Variants in ULK4 observed in about 807,000 individuals in gnomAD.
The protein encoded by ULK4 is unc-51 like kinase 4.
A neutral mutation model predicts 160.6 loss-of-function variants in ULK4; 133 were observed. The observed-to-expected ratio is 0.83, with a 90% CI of 0.72 to 0.96. The LOEUF is 0.96. Among genes scored for constraint, ULK4 ranks in the 40% least tolerant of loss-of-function variants. The pLI is 0.00. For missense variants in ULK4, 1,580 were observed against 1,499.5 expected (o/e 1.05, Z -0.89); for synonymous variants, 534 against 539.8 (o/e 0.99, Z 0.15).
chr3:41,313,141 A>G (rs546085203), intron 35 of ULK4, among the ~76,000 whole-genome samples: 45 of 152,312 alleles, frequency 3.0e-4, no homozygotes, highest in Non-Finnish European at 5.6e-4. Flanking sequence ...ATAAAACACC[A>G]TGAGGAATGA....
In ULK4 at chr3:41,827,108, C is replaced by G. The variant is rs550415606; in HGVS notation, c.1765-7602G>C. The stretch of plus-strand genomic sequence containing the variant: ...CAGAAATAAAGATGTTCTTTGAAAC[C>G]AACGAGAACAAAGACACAACATACC... On this transcript the variant is annotated intron_variant, in intron 18 of 36. Transcript: ENST00000301831. Among the ~76,000 whole-genome samples, 3 of 147,016 alleles carry G rather than the reference C, an allele frequency of 2.0e-5. No homozygotes were observed. The South Asian group carries it at 6.6e-4, about 32-fold the overall frequency.
intron 25 of ULK4, among the ~76,000 whole-genome samples, chr3:41,710,206 C>T (rs1271476363): frequency 1.3e-5 from 2 of 152,198 alleles, no homozygotes; most frequent in South Asian, 2.1e-4. Context: ...TATACTTCCC[C>T]TATTTAATTT....
chr3:41,263,658 C>G (rs2078983308), intron 35 of ULK4, among the ~76,000 whole-genome samples: 1 of 152,178 alleles, frequency 6.6e-6, no homozygotes, highest in African/African-American at 2.4e-5. Flanking sequence ...CAATAAATAT[C>G]ATACATCCTG....
intron 35 of ULK4, among the ~76,000 whole-genome samples, chr3:41,263,057 T>C (rs2078973465): frequency 6.6e-6 from 1 of 152,134 alleles, no homozygotes; most frequent in South Asian, 2.1e-4. Flanking sequence ...ACCAAGCACT[T>C]AGAAAAGCAC....
intron 35 of ULK4, among the ~76,000 whole-genome samples, chr3:41,293,798 A>G (rs369186862): frequency 1.3e-5 from 2 of 152,358 alleles, no homozygotes; most frequent in South Asian, 4.1e-4. Context: ...CTATTATTAT[A>G]TAAAGTGCCA....
chr3:41,258,067 T>C (rs1013953755), intron 35 of ULK4, among the ~76,000 whole-genome samples: 2 of 152,156 alleles, frequency 1.3e-5, no homozygotes, highest in African/African-American at 4.8e-5. Context: ...TGCTTCTGTC[T>C]CCCAGAGTTG....
intron 35 of ULK4, among the ~76,000 whole-genome samples, chr3:41,272,343 GT>G (rs3038324): frequency 0.036 from 3,404 of 95,504 alleles, 25 homozygotes; most frequent in Non-Finnish European, 0.05. Context: ...AATTTTGAAA[GT>G]TTTTTTTTTT....
intron 34 of ULK4, among the ~76,000 whole-genome samples, chr3:41,451,316 T>A (rs541717524): frequency 2.1e-4 from 32 of 151,950 alleles, no homozygotes; most frequent in African/African-American, 7.5e-4. Flanking sequence ...AATCGTCTTG[T>A]AAAGAATCCT....
chr3:41,843,344 T>G (rs926407649), intron 17 of ULK4, among the ~76,000 whole-genome samples: 1 of 152,230 alleles, frequency 6.6e-6, no homozygotes, highest in African/African-American at 2.4e-5. Context: ...TCACTCATAC[T>G]GTGTCCGGAA....
At chr3:41,578,839 A>G (rs1473143595) in intron 31 of ULK4, among the ~76,000 whole-genome samples, 3 of 152,184 alleles carry the variant, frequency 2.0e-5, no homozygotes, top group Non-Finnish European at 4.4e-5. Flanking sequence ...TCAAGGGAGA[A>G]AGTGACCATA....
intron 35 of ULK4, among the ~76,000 whole-genome samples, chr3:41,320,266 G>A (rs2080221754): frequency 6.6e-6 from 1 of 152,148 alleles, no homozygotes; most frequent in Admixed American, 6.5e-5. Flanking sequence ...ACAAAGGGTA[G>A]CCATTATAAT....
intron 32 of ULK4, among the ~76,000 whole-genome samples, chr3:41,533,181 A>C (rs1411403735): frequency 1.3e-5 from 2 of 151,466 alleles, no homozygotes; most frequent in East Asian, 3.9e-4. Flanking sequence ...ATGCTGCCAA[A>C]GCACACAACA....
At chr3:41,804,329 G>T (rs915646402) in intron 19 of ULK4, among the ~76,000 whole-genome samples, 7 of 152,050 alleles carry the variant, frequency 4.6e-5, no homozygotes, top group African/African-American at 1.7e-4. Flanking sequence ...TTTGTGATGG[G>T]GTTGTTTTTT....
chr3:41,612,250 G>GGA (rs970803793), intron 31 of ULK4, among the ~76,000 whole-genome samples: 2 of 152,078 alleles, frequency 1.3e-5, no homozygotes, highest in Non-Finnish European at 2.9e-5. Flanking sequence ...CACTGACCTA[G>GGA]CCTTCCCCTT....
chr3:41,857,657 G>C (rs974696330), intron 17 of ULK4, among the ~76,000 whole-genome samples: 2 of 152,088 alleles, frequency 1.3e-5, no homozygotes, highest in Admixed American at 6.5e-5. Flanking sequence ...TTATTAGTCT[G>C]TTCAGGTTTT....
intron 27 of ULK4, among the ~76,000 whole-genome samples, chr3:41,697,415 T>A (rs936638965): frequency 4.0e-5 from 6 of 150,548 alleles, no homozygotes; most frequent in Admixed American, 3.3e-4. Context: ...ATAAAAAAAA[T>A]TAATTAAAAA....
chr3:41,257,757 C>A (rs1172351640), intron 35 of ULK4, among the ~76,000 whole-genome samples: 2 of 152,116 alleles, frequency 1.3e-5, no homozygotes. Flanking sequence ...ATCCTTCACA[C>A]TTTTATTCAT....
chr3:41,687,736 A>G (rs1182390115), intron 27 of ULK4: 1 of 152,240 alleles, frequency 6.6e-6, no homozygotes, highest in Non-Finnish European at 1.5e-5. Flanking sequence ...CAAAAGGGTC[A>G]TCAAGATAAA....
At chr3:41,695,144 G>C (rs1209000798) in intron 27 of ULK4, among the ~76,000 whole-genome samples, 1 of 152,144 alleles carries the variant, frequency 6.6e-6, no homozygotes, top group African/African-American at 2.4e-5. Flanking sequence ...TTCTTTTAAA[G>C]GACACTAATT....
Sources: allele counts gnomAD v4.1 joint callset (sites outside exome capture counted in the v4.1 genomes callset), GRCh38; gene constraint gnomAD v4.1.1; transcripts MANE v1.5; gene names NCBI Gene and HGNC (gene_info 2026-07-23, HGNC 2026-07-21).